Variants in RP1 observed in about 807,000 individuals in gnomAD.
RP1 encodes the protein RP1 axonemal microtubule associated.
RP1 carries 16 observed loss-of-function variants against 14.8 expected under a neutral mutation model. The ratio of observed to expected loss-of-function variants is 1.08; its 90% CI spans 0.73 to 1.65. RP1 has a LOEUF of 1.65. Ranked by LOEUF, RP1 falls within the 40% of genes most tolerant of loss-of-function variation. The probability of loss-of-function intolerance (pLI) is 0.00; values close to 1 mark genes in which losing one functional copy is unlikely to be tolerated. For missense variants in RP1, 2,631 were observed against 2,535.0 expected, an observed-to-expected ratio of 1.04 and a Z score of -0.81; for synonymous variants, 876 against 883.6, an observed-to-expected ratio of 0.99 and a Z score of 0.15.
intron 1 of RP1, among the ~76,000 whole-genome samples, chr8:54,604,330 T>C (rs1405616555): frequency 6.6e-6 from 1 of 152,212 alleles, no homozygotes; most frequent in Non-Finnish European, 1.5e-5. Flanking sequence ...GTTTATATGC[T>C]GGATTACGTT....
chr8:54,593,050 T>C (rs975912006), intron 1 of RP1, among the ~76,000 whole-genome samples: 4 of 152,158 alleles, frequency 2.6e-5, no homozygotes. Context: ...CTTGAGAATG[T>C]GCCAAATTAG....
chr8:54,863,360 C>T (rs1812393825), intron 27 of RP1, among the ~76,000 whole-genome samples: 1 of 152,090 alleles, frequency 6.6e-6, no homozygotes, highest in Non-Finnish European at 1.5e-5. Context: ...GTAGACGATA[C>T]CATCTAGGTT....
intron 27 of RP1, among the ~76,000 whole-genome samples, chr8:54,864,351 C>T (rs1812414978): frequency 6.6e-6 from 1 of 152,102 alleles, no homozygotes; most frequent in Non-Finnish European, 1.5e-5. Flanking sequence ...AAAGATGCTT[C>T]CTCTGTATTA....
At chr8:54,810,159 G>A (rs955444705) in intron 24 of RP1, among the ~76,000 whole-genome samples, 1 of 152,098 alleles carries the variant, frequency 6.6e-6, no homozygotes, top group Non-Finnish European at 1.5e-5. Flanking sequence ...TTTGGCACCA[G>A]CATGAACTTA....
At chr8:54,848,510 C>T (rs1811982211) in intron 25 of RP1, among the ~76,000 whole-genome samples, 1 of 152,136 alleles carries the variant, frequency 6.6e-6, no homozygotes, top group South Asian at 2.1e-4. Flanking sequence ...AGGCTCTTCT[C>T]CCATACACAC....
rs943454310 is a variant in RP1, at chr8:54,627,662, G to C, written c.3780G>C (p.Glu1260Asp). The change falls in exon 4 of 4, where the codon GAG becomes GAC. Residue 1260 changes from glutamate to aspartate, a missense_variant. Physicochemically the swap from Glu to Asp is conservative, Grantham distance 45. Transcript: ENST00000220676. The stretch of plus-strand genomic sequence containing the variant: ...TGGAAGTGACTTGCTCTCCATGTGA[G>C]ATGTGCACTGTAAATAAGGCTTATT... Reference protein sequence around the residue: ...CVLEVTCSPCEMCTVNKAYSP... With the variant: ...CVLEVTCSPCDMCTVNKAYSP... 2.5e-6 allele frequency: 4 copies of C among 1,614,080 alleles called. No homozygotes were observed. Among genetic ancestry groups the C allele is most frequent in the Non-Finnish European group, 3.4e-6 (4 of 1,180,006 alleles).
intron 24 of RP1, among the ~76,000 whole-genome samples, chr8:54,830,072 G>C (rs11998135): frequency 0.31 from 46,510 of 151,938 alleles, 7,324 homozygotes; most frequent in South Asian, 0.37. Context: ...TATTGATAGT[G>C]TTCTATATTC....
At chr8:54,642,501 A>G (rs1421510342) in intron 3 of RP1, among the ~76,000 whole-genome samples, 1 of 151,970 alleles carries the variant, frequency 6.6e-6, no homozygotes, top group African/African-American at 2.4e-5. Flanking sequence ...ATATTTGGGG[A>G]TATCTTTTTT....
chr8:54,820,525 G>A (rs1811230960), intron 24 of RP1, among the ~76,000 whole-genome samples: 1 of 152,100 alleles, frequency 6.6e-6, no homozygotes, highest in South Asian at 2.1e-4. Flanking sequence ...ATGGGCACAG[G>A]AAGAATTCTG....
At chr8:54,632,680 T>C (rs1341287065), downstream of RP1, among the ~76,000 whole-genome samples, 4 of 152,194 alleles carry the variant, frequency 2.6e-5, no homozygotes, top group Non-Finnish European at 4.4e-5. Flanking sequence ...TTTTAGTTTT[T>C]TTATATTTTA....
intron 13 of RP1, chr8:54,701,365 T>C (rs1271356898): frequency 1.2e-5 from 10 of 805,368 alleles, no homozygotes; most frequent in Non-Finnish European, 1.7e-5. Flanking sequence ...TCATGAGATT[T>C]TATAAATAGT....
chr8:54,718,594 T>G lies in RP1; in HGVS notation c.2212-1535T>G, dbSNP rs77260052. On this transcript the variant is annotated intron_variant, in intron 15 of 22. Transcript: ENST00000636932. ...AGCTTTTTTCATAATCACCCCAAAC[T>G]GGAAACAACCAAGATGTCCTTCAGT... 2.6e-3 allele frequency among the ~76,000 whole-genome samples: 395 copies of G among 152,288 alleles called. 2 individuals carry two copies. Among genetic ancestry groups the G allele is most frequent in the African/African-American group, 8.8e-3 (364 of 41,560 alleles).
At chr8:54,860,107 G>A (rs1812308945) in intron 27 of RP1, among the ~76,000 whole-genome samples, 1 of 152,078 alleles carries the variant, frequency 6.6e-6, no homozygotes, top group Admixed American at 6.5e-5. Context: ...CACATTTGAA[G>A]GTGAAAATAT....
chr8:54,605,515 G>A (rs900579348), intron 1 of RP1, among the ~76,000 whole-genome samples: 3 of 152,022 alleles, frequency 2.0e-5, no homozygotes, highest in Admixed American at 6.5e-5. Context: ...TGTATATTCT[G>A]TTGATTTGGG....
chr8:54,624,424 A>G (rs1805965105), intron 3 of RP1, among the ~76,000 whole-genome samples: 1 of 134,066 alleles, frequency 7.5e-6, no homozygotes, highest in African/African-American at 2.8e-5. Context: ...CAGCCTGGTG[A>G]CAGAGCGAGA....
intron 1 of RP1, among the ~76,000 whole-genome samples, chr8:54,598,273 T>C (rs1206527940): frequency 6.6e-6 from 1 of 152,204 alleles, no homozygotes; most frequent in Non-Finnish European, 1.5e-5. Flanking sequence ...ATTTTGATTC[T>C]ATATTGTTTG....
intron 19 of RP1, among the ~76,000 whole-genome samples, chr8:54,742,099 G>A (rs1393466177): frequency 2.0e-5 from 3 of 151,988 alleles, no homozygotes; most frequent in South Asian, 2.1e-4. Context: ...TGGGCCTTAA[G>A]TTTATTTTCA....
intron 8 of RP1, among the ~76,000 whole-genome samples, chr8:54,678,247 G>T (rs140697391): frequency 6.6e-6 from 1 of 152,108 alleles, no homozygotes; most frequent in Admixed American, 6.5e-5. Context: ...AAGGCATGAA[G>T]CCTTAAAATA....
At chr8:54,575,446 A>G (rs1311168886) in intron 1 of RP1, among the ~76,000 whole-genome samples, 1 of 152,048 alleles carries the variant, frequency 6.6e-6, no homozygotes, top group East Asian at 1.9e-4. Context: ...TATGGGGTAC[A>G]TATGTTTTGA....
Sources: gnomAD v4.1 joint callset for allele counts (sites outside exome capture counted in the v4.1 genomes callset) on GRCh38, gnomAD v4.1.1 for gene constraint, MANE v1.5 for transcripts, NCBI Gene and HGNC (gene_info 2026-07-23, HGNC 2026-07-21) for gene names.